The following FERMT1 variants were observed in gnomAD, a reference collection of about 807,000 sequenced individuals.
FERMT1 encodes FERM domain containing kindlin 1.
In FERMT1, 60 loss-of-function variants were observed where a neutral mutation model predicts 85.3. That is an observed-to-expected ratio of 0.70 (90% CI 0.57 to 0.87). The LOEUF (loss-of-function observed/expected upper bound fraction) is 0.87. FERMT1 is among the 40% of genes least tolerant of loss of function. FERMT1 has a pLI of 0.00. For missense variants in FERMT1, 701 were observed against 818.9 expected (o/e 0.86, Z 1.76); for synonymous variants, 275 against 301.1 (o/e 0.91, Z 0.90).
chr20:6,075,274 G>A lies in FERMT1; in HGVS notation c.*1899C>T, dbSNP rs1049626231. The A allele has an allele frequency of 6.6e-6, 1 of 152,248 alleles. No individual in the cohort carries two copies. The highest frequency in any genetic ancestry group is 2.4e-5 in the African/African-American group (1 of 41,430). The allele number at this position is 152,248 out of a possible 1,614,324, so 9.4% of individuals were successfully genotyped here. Reference sequence around the variant, plus strand: ...CAGAGATGTTCTCAGCAGCAAACAGGTAAAATCTGACATCGAGAAGCATTA... The same window carrying A: ...CAGAGATGTTCTCAGCAGCAAACAGATAAAATCTGACATCGAGAAGCATTA... On this transcript the variant is annotated 3_prime_UTR_variant, in exon 15 of 15. Transcript: ENST00000217289.
intron 9 of FERMT1, among the ~76,000 whole-genome samples, chr20:6,090,787 A>T (rs1182648074): frequency 6.6e-6 from 1 of 152,164 alleles, no homozygotes; most frequent in Non-Finnish European, 1.5e-5. Context: ...ACAGAAGAAT[A>T]TTACATATAA....
At chr20:6,088,582 C>A (rs1165183095) in intron 10 of FERMT1, among the ~76,000 whole-genome samples, 1 of 151,680 alleles carries the variant, frequency 6.6e-6, no homozygotes, top group Admixed American at 6.6e-5. Context: ...AGTAAGTAAA[C>A]CGTGCCTCAT....
chr20:6,086,599 G>C (rs1033137048), intron 11 of FERMT1, among the ~76,000 whole-genome samples: 4 of 152,188 alleles, frequency 2.6e-5, no homozygotes, highest in African/African-American at 9.7e-5. Context: ...ATGTTGAATT[G>C]TAATTCCCAG....
chr20:6,118,946 G>GTT (rs528959334), intron 2 of FERMT1, among the ~76,000 whole-genome samples: 3 of 144,600 alleles, frequency 2.1e-5, no homozygotes, highest in Non-Finnish European at 3.0e-5. Context: ...AAGACTCAAG[G>GTT]TTTTTTTTTT....
intron 2 of FERMT1, among the ~76,000 whole-genome samples, chr20:6,116,654 G>T (rs1490451850): frequency 6.6e-6 from 1 of 151,236 alleles, no homozygotes; most frequent in Non-Finnish European, 1.5e-5. Context: ...ACTTGAACCC[G>T]GGAAGTGGAG....
chr20:6,115,881 C>T lies in FERMT1; in HGVS notation c.315G>A (p.Lys105=). 1 of 1,614,188 alleles carries T rather than the reference C, an allele frequency of 6.2e-7. No homozygotes were observed. The highest frequency in any genetic ancestry group is 8.5e-7 in the Non-Finnish European group (1 of 1,180,032). Residue 105 remains lysine, a synonymous_variant, in exon 3 of 15, where the codon AAG becomes AAA. Transcript: ENST00000217289. ...KMLRLRLPNL[K]MVRLRVSFSA... ...AGAAGCTGACTCGCAACCTCACCATCTTCAAATTCGGCAGACGAAGGCGCA... is the reference window on the plus strand; with the variant it reads ...AGAAGCTGACTCGCAACCTCACCATTTTCAAATTCGGCAGACGAAGGCGCA...
Position 6,110,055 on chromosome 20 carries a change from A to T in FERMT1, c.746+243T>A, listed in dbSNP as rs146814756. On this transcript the variant is annotated intron_variant, in intron 5 of 14. Transcript: ENST00000217289. The stretch of plus-strand genomic sequence containing the variant: ...ATATACTTTGCATATCTGTAGTGGT[A>T]AAGAATTAGTATTCACAGATAGTAA... 4.6e-3 allele frequency among the ~76,000 whole-genome samples: 704 copies of T among 152,348 alleles called. 7 individuals are homozygous for T. Among genetic ancestry groups the T allele is most frequent in the African/African-American group, 0.016 (667 of 41,570 alleles).
intron 8 of FERMT1, among the ~76,000 whole-genome samples, chr20:6,096,684 A>G (rs1982506238): frequency 6.6e-6 from 1 of 152,200 alleles, no homozygotes; most frequent in African/African-American, 2.4e-5. Flanking sequence ...ATATAACACA[A>G]AAGTATTGTC....
chr20:6,122,998 G>T lies in FERMT1; in HGVS notation c.-243C>A, dbSNP rs917865517. The stretch of plus-strand genomic sequence containing the variant: ...GACCTCCCACGGAGGCTCGGTGCCT[G>T]CCCCCAGCCTGGCGCGGCGTGCCCG... On this transcript the variant is annotated 5_prime_UTR_variant, in exon 1 of 15. Coordinates refer to ENST00000217289, the MANE Select transcript of FERMT1 (RefSeq NM_017671.5). 6.6e-6 allele frequency: 1 copy of T among 152,232 alleles called. No homozygotes were observed. Among genetic ancestry groups the T allele is most frequent in the Admixed American group, 6.5e-5 (1 of 15,278 alleles). 9.4% of individuals were successfully genotyped at this position (152,232 alleles called of 1,614,324 possible).
Position 6,109,480 on chromosome 20 carries a change from C to G in FERMT1, c.746+818G>C, listed in dbSNP as rs537149002. The stretch of plus-strand genomic sequence containing the variant: ...CTTCTAGGAAGGTGAATGCTGTTGA[C>G]GAGTTTGACTTTATCTGGTAGGCAA... On this transcript the variant is annotated intron_variant, in intron 5 of 14. Coordinates refer to ENST00000217289, the MANE Select transcript of FERMT1 (RefSeq NM_017671.5). 4.6e-5 allele frequency among the ~76,000 whole-genome samples: 7 copies of G among 152,238 alleles called. No homozygotes were observed. In the East Asian group the frequency reaches 1.2e-3, roughly 25 times the overall value.
chr20:6,099,657 T>A (rs1982603631), intron 6 of FERMT1, among the ~76,000 whole-genome samples: 1 of 151,832 alleles, frequency 6.6e-6, no homozygotes, highest in African/African-American at 2.4e-5. Flanking sequence ...GGTAAGAAAG[T>A]TTTGAAAATG....
chr20:6,077,069 T>G lies in FERMT1; in HGVS notation c.*104A>C. Reference sequence around the variant, plus strand: ...TGGGTGACCAGCGGTGAATGTATGTTGTCTGTTAGTCCAGAATCTACATGC... The same window carrying G: ...TGGGTGACCAGCGGTGAATGTATGTGGTCTGTTAGTCCAGAATCTACATGC... On this transcript the variant is annotated 3_prime_UTR_variant, in exon 15 of 15. Transcript: ENST00000217289. 1 of 1,134,000 alleles carries G rather than the reference T, an allele frequency of 8.8e-7. No homozygotes were observed. The highest frequency in any genetic ancestry group is 1.2e-5 in the South Asian group (1 of 80,730). 70.2% of individuals were successfully genotyped at this position (1,134,000 alleles called of 1,614,324 possible).
At position 6,112,482 on chromosome 20, in the gene FERMT1, G is replaced by A; in HGVS notation, c.527C>T (p.Ser176Leu). 1 of 1,613,672 alleles carries A rather than the reference G, an allele frequency of 6.2e-7. No homozygotes were observed. Among genetic ancestry groups the A allele is most frequent in the Non-Finnish European group, 8.5e-7 (1 of 1,179,688 alleles). ...ACACCTGTAACAAGTCTTACCTGAT[G>A]AACCTGAAGCTGTTGGAGAACTCTC... The part of the protein sequence containing the change: ...NLESSPTASG[S>L]SVSPGLYSKT... Residue 176 changes from serine to leucine, a missense_variant, in exon 4 of 15, where the codon TCA becomes TTA. Transcript: ENST00000217289.
chr20:6,112,686 G>T, intron 3 of FERMT1, 63 bp from the exon 4 acceptor site: 1 of 1,167,344 alleles, frequency 8.6e-7, no homozygotes, highest in East Asian at 2.6e-5. Flanking sequence ...CTAAGACTCA[G>T]GGTCATTTTG....
rs777736000 is a variant in FERMT1, at chr20:6,107,617, C to T, written c.764G>A (p.Arg255His). 1.4e-5 allele frequency: 22 copies of T among 1,608,476 alleles called. No individual in the cohort carries two copies. Among genetic ancestry groups the T allele is most frequent in the African/African-American group, 1.2e-4 (9 of 74,790 alleles). The change falls in exon 6 of 15, where the codon CGC becomes CAC. Residue 255 changes from arginine (R) to histidine (H), a missense_variant. Physicochemically the swap from Arg to His is conservative, Grantham distance 29 (BLOSUM62 0). Coordinates refer to ENST00000217289, the MANE Select transcript of FERMT1 (RefSeq NM_017671.5). ...TTGGATGCCTTGTTCCATAAGGGAG[C>T]GTGAGGAGTCTAGCCAACTAGAAAA... is the stretch of plus-strand genomic sequence containing the variant. ...KLNAGWLDSS[R>H]SLMEQGIQED...
chr20:6,106,145 AATTTCTCCTGGAG>A (rs1434593917), intron 6 of FERMT1, among the ~76,000 whole-genome samples: 4 of 152,220 alleles, frequency 2.6e-5, no homozygotes, highest in African/African-American at 9.6e-5. Flanking sequence ...GCAGTACAGT[AATTTCTCCTGGAG>A]ATTTTATCGA....
intron 6 of FERMT1, among the ~76,000 whole-genome samples, chr20:6,105,732 T>G (rs1437136353): frequency 6.6e-6 from 1 of 152,232 alleles, no homozygotes; most frequent in Non-Finnish European, 1.5e-5. Flanking sequence ...AGTTTTGAGT[T>G]CTCAGTACCC....
chr20:6,116,368 TAAA>T (rs1413326429), intron 2 of FERMT1, among the ~76,000 whole-genome samples: 1 of 150,332 alleles, frequency 6.7e-6, no homozygotes, highest in African/African-American at 2.5e-5. Flanking sequence ...TAAAGTAAAA[TAAA>T]AAACATTTAA....
In FERMT1 at chr20:6,115,891, G is replaced by A. The variant is rs777516456; in HGVS notation, c.305C>T (p.Pro102Leu). 1.5e-5 allele frequency: 25 copies of A among 1,613,948 alleles called. No individual in the cohort carries two copies. The highest frequency in any genetic ancestry group is 3.3e-5 in the South Asian group (3 of 91,068). The stretch of plus-strand genomic sequence containing the variant: ...TCGCAACCTCACCATCTTCAAATTC[G>A]GCAGACGAAGGCGCAGCATTTTATG... ...PQHKMLRLRL[P>L]NLKMVRLRVS... Residue 102 changes from proline (P) to leucine (L), a missense_variant, in exon 3 of 15, where the codon CCG becomes CTG. Physicochemically the swap from Pro to Leu is moderately conservative, Grantham distance 98. Transcript: ENST00000217289.
Sources: allele counts gnomAD v4.1 joint callset (sites outside exome capture counted in the v4.1 genomes callset), GRCh38; gene constraint gnomAD v4.1.1; transcripts MANE v1.5; gene names NCBI Gene and HGNC (gene_info 2026-07-23, HGNC 2026-07-21).